FRMD4A: variants seen among roughly 807,000 people sequenced by gnomAD.
FRMD4A encodes FERM domain containing 4A, also known as FERM domain-containing protein 4A.
Under a neutral mutation model 129.1 loss-of-function variants are expected in FRMD4A, and 29 were observed. The observed-to-expected ratio is 0.22, with a 90% confidence interval of 0.17 to 0.31. FRMD4A has a LOEUF of 0.31. FRMD4A is among the 10% of genes least tolerant of loss of function. The pLI is 1.00. For synonymous variants in FRMD4A, 634 were observed against 571.6 expected (o/e 1.11, Z -1.56); for missense variants, 1,272 against 1,375.8 (o/e 0.92, Z 1.19).
At chr10:13,938,672 T>C (rs899385153) in intron 2 of FRMD4A, among the ~76,000 whole-genome samples, 3 of 152,238 alleles carry the variant, frequency 2.0e-5, no homozygotes, top group Non-Finnish European at 1.5e-5. Flanking sequence ...GGGTTAACAG[T>C]GATCCTCCAC....
chr10:13,732,485 C>T (rs934468977), intron 12 of FRMD4A, among the ~76,000 whole-genome samples: 4 of 152,204 alleles, frequency 2.6e-5, no homozygotes, highest in African/African-American at 9.6e-5. Context: ...AGCAGACTCA[C>T]CCCTGCCACT....
chr10:14,096,337 G>A (rs1028203855), intron 2 of FRMD4A, among the ~76,000 whole-genome samples: 4 of 152,100 alleles, frequency 2.6e-5, no homozygotes, highest in East Asian at 1.9e-4. Flanking sequence ...AACTGTGAGC[G>A]ATCAATTTCT....
intron 2 of FRMD4A, among the ~76,000 whole-genome samples, chr10:14,325,962 T>C (rs975602098): frequency 1.3e-5 from 2 of 152,194 alleles, no homozygotes; most frequent in African/African-American, 2.4e-5. Flanking sequence ...CAATTGACAT[T>C]CTTCATTCAT....
intron 3 of FRMD4A, among the ~76,000 whole-genome samples, chr10:13,834,069 G>A (rs1395128312): frequency 6.6e-6 from 1 of 152,166 alleles, no homozygotes; most frequent in Non-Finnish European, 1.5e-5. Flanking sequence ...TACAAAACCA[G>A]CCTGGCCAAC....
At chr10:14,048,852 GAATAGAATAGAATAGAATAGA>G (rs1834111361) in intron 2 of FRMD4A, among the ~76,000 whole-genome samples, 2 of 113,590 alleles carry the variant, frequency 1.8e-5, no homozygotes, top group Non-Finnish European at 3.6e-5. Context: ...GAATAGAATA[GAATAGAATAGAATAGAATAGA>G]ATAGAATAGA....
chr10:13,828,779 G>A (rs377075243), intron 3 of FRMD4A, among the ~76,000 whole-genome samples: 3 of 152,102 alleles, frequency 2.0e-5, no homozygotes, highest in Admixed American at 2.0e-4. Context: ...TGATCCGCCC[G>A]CCTTGGCCTC....
At chr10:13,698,527 C>T (rs980439033) in intron 14 of FRMD4A, among the ~76,000 whole-genome samples, 3 of 152,188 alleles carry the variant, frequency 2.0e-5, no homozygotes, top group Admixed American at 6.5e-5. Flanking sequence ...CCAAAGGGTA[C>T]GTCATCATCT....
At chr10:14,085,808 T>C (rs1249798458) in intron 2 of FRMD4A, among the ~76,000 whole-genome samples, 9 of 152,228 alleles carry the variant, frequency 5.9e-5, no homozygotes, top group African/African-American at 1.9e-4. Context: ...TGGAGGGATC[T>C]GCATTACTGT....
chr10:13,968,480 C>T (rs1418071960), intron 2 of FRMD4A, among the ~76,000 whole-genome samples: 1 of 152,204 alleles, frequency 6.6e-6, no homozygotes, highest in Non-Finnish European at 1.5e-5. Flanking sequence ...GAGACGTAGT[C>T]TCACTCTTCT....
intron 2 of FRMD4A, among the ~76,000 whole-genome samples, chr10:14,184,600 C>A (rs552207885): frequency 6.6e-6 from 1 of 152,174 alleles, no homozygotes; most frequent in Middle Eastern, 3.4e-3. Context: ...GTGCTTTATA[C>A]AAGGCACCGT....
chr10:14,104,116 C>T (rs1356490203), intron 2 of FRMD4A, among the ~76,000 whole-genome samples: 2 of 152,148 alleles, frequency 1.3e-5, no homozygotes, highest in Non-Finnish European at 2.9e-5. Context: ...TCTACATCGC[C>T]ATCAAGGTCT....
intron 2 of FRMD4A, among the ~76,000 whole-genome samples, chr10:13,870,499 C>T (rs1485680061): frequency 6.6e-6 from 1 of 152,240 alleles, no homozygotes; most frequent in African/African-American, 2.4e-5. Flanking sequence ...GTCCAAAGCC[C>T]ATCGCTGTGG....
chr10:13,836,198 A>C (rs1372572998), intron 3 of FRMD4A, among the ~76,000 whole-genome samples: 1 of 152,146 alleles, frequency 6.6e-6, no homozygotes, highest in Non-Finnish European at 1.5e-5. Context: ...GGGTTTTGCC[A>C]TGTTGGCCAG....
intron 2 of FRMD4A, among the ~76,000 whole-genome samples, chr10:13,968,487 T>G (rs2095498638): frequency 6.6e-6 from 1 of 152,226 alleles, no homozygotes; most frequent in Non-Finnish European, 1.5e-5. Flanking sequence ...AGTCTCACTC[T>G]TCTCACCCAG....
chr10:14,286,503 A>T (rs1278223480), intron 2 of FRMD4A, among the ~76,000 whole-genome samples: 2 of 152,168 alleles, frequency 1.3e-5, no homozygotes, highest in Admixed American at 1.3e-4. Flanking sequence ...TGCCAGGAAA[A>T]TCAAAATTTT....
chr10:13,875,579 G>A (rs1446492231), intron 2 of FRMD4A, among the ~76,000 whole-genome samples: 1 of 152,160 alleles, frequency 6.6e-6, no homozygotes, highest in African/African-American at 2.4e-5. Context: ...GGAATTAAGA[G>A]GTGCCCTGCA....
rs150050583 is a variant in FRMD4A at position 13,716,944 on chromosome 10, C to T, written c.760-9831G>A. Among the ~76,000 whole-genome samples the T allele has an allele frequency of 8.1e-3, 1,200 of 147,784 alleles. 16 individuals are homozygous for T. The highest frequency in any genetic ancestry group is 0.028 in the African/African-American group (1,145 of 40,696). Reference sequence around the variant, plus strand: ...TCAAGAGAAGCTGGAATTGTTTTTCCTTTCCTATCCTCTGCCCCCTGATGT... The same window carrying T: ...TCAAGAGAAGCTGGAATTGTTTTTCTTTTCCTATCCTCTGCCCCCTGATGT... On this transcript the variant is annotated intron_variant, in intron 12 of 24. Transcript: ENST00000357447.
intron 2 of FRMD4A, among the ~76,000 whole-genome samples, chr10:14,144,706 T>C (rs1259306008): frequency 6.6e-6 from 1 of 152,090 alleles, no homozygotes; most frequent in Non-Finnish European, 1.5e-5. Flanking sequence ...GGGATAGTCG[T>C]CCAGGAGCTG....
At chr10:14,277,874 A>G (rs1047501950) in intron 2 of FRMD4A, among the ~76,000 whole-genome samples, 1 of 152,184 alleles carries the variant, frequency 6.6e-6, no homozygotes, top group African/African-American at 2.4e-5. Flanking sequence ...ATGTCCTCCC[A>G]ATGGCCTGAG....
Sources: allele counts gnomAD v4.1 joint callset (sites outside exome capture counted in the v4.1 genomes callset), GRCh38; gene constraint gnomAD v4.1.1; transcripts MANE v1.5; gene names NCBI Gene and HGNC (gene_info 2026-07-23, HGNC 2026-07-21).